The following VSTM2B variants were observed in gnomAD, a reference collection of about 807,000 sequenced individuals.
VSTM2B encodes the protein V-set and transmembrane domain-containing protein 2B.
In VSTM2B, 24 loss-of-function variants were observed where a neutral mutation model predicts 24.0. The observed-to-expected ratio is 1.00, with a 90% CI of 0.72 to 1.40. The LOEUF (loss-of-function observed/expected upper bound fraction) is 1.40. Among genes scored for constraint, VSTM2B ranks in the 40% most tolerant of loss-of-function variants. VSTM2B has a pLI of 0.00. For missense variants in VSTM2B, 399 were observed against 416.4 expected (o/e 0.96, Z 0.36); for synonymous variants, 226 against 194.4 (o/e 1.16, Z -1.35).
Position 29,529,855 on chromosome 19 carries a change from C to T in VSTM2B, c.334C>T (p.Leu112Phe), listed in dbSNP as rs771486149. 63 of 1,550,008 alleles carry T rather than the reference C, an allele frequency of 4.1e-5. No homozygotes were observed. The highest frequency in any genetic ancestry group is 5.4e-5 in the Non-Finnish European group (62 of 1,146,756). The change falls in exon 4 of 5, where the codon CTT becomes TTT. Residue 112 changes from leucine (L) to phenylalanine (F), a missense_variant. By Grantham distance (22) the Leu-to-Phe change is conservative. Coordinates refer to ENST00000335523, the MANE Select transcript of VSTM2B (RefSeq NM_001146339.2). Reference sequence around the variant, plus strand: ...CCAGGGCAATGACATCTCACACCGGCTTCGGCTGTCTGCCGTGCGGCTGCA... The same window carrying T: ...CCAGGGCAATGACATCTCACACCGGTTTCGGCTGTCTGCCGTGCGGCTGCA... ...RVQGNDISHR[L>F]RLSAVRLQDE...
chr19:29,554,869 C>T (rs530713659), intron 4 of VSTM2B, among the ~76,000 whole-genome samples: 7 of 152,226 alleles, frequency 4.6e-5, no homozygotes, highest in Non-Finnish European at 1.0e-4. Context: ...AGCTAACTAT[C>T]CTAAATATAC....
At chr19:29,534,250 C>T (rs1339858394) in intron 4 of VSTM2B, among the ~76,000 whole-genome samples, 1 of 152,208 alleles carries the variant, frequency 6.6e-6, no homozygotes, top group African/African-American at 2.4e-5. Context: ...CCCACAGTCA[C>T]CCAGCAAGGA....
chr19:29,528,830 G>A lies in VSTM2B; in HGVS notation c.297+368G>A, dbSNP rs570729423. On this transcript the variant is annotated intron_variant, in intron 3 of 4. Coordinates refer to ENST00000335523, the MANE Select transcript of VSTM2B (RefSeq NM_001146339.2). ...GCGGCTGCTCGCCCTCGCCGCGACC[G>A]TGGCGCCAGCTTCCCGCCCCCTCTG... 1.1e-4 allele frequency: 97 copies of A among 881,162 alleles called. No homozygotes were observed. In the South Asian group the frequency reaches 4.6e-3, roughly 42 times the overall value. The allele number at this position is 881,162 out of a possible 1,614,324, so 54.6% of individuals were successfully genotyped here.
At chr19:29,532,708 G>T (rs1969788031) in intron 4 of VSTM2B, among the ~76,000 whole-genome samples, 1 of 152,198 alleles carries the variant, frequency 6.6e-6, no homozygotes, top group Non-Finnish European at 1.5e-5. Flanking sequence ...TATGGAAATT[G>T]CTGCACATAT....
intron 4 of VSTM2B, among the ~76,000 whole-genome samples, chr19:29,560,723 A>G (rs1162152891): frequency 2.0e-5 from 3 of 152,220 alleles, no homozygotes. Flanking sequence ...AAATCTTGCA[A>G]TTTAAAACCT....
At position 29,527,400 on chromosome 19, in the gene VSTM2B, C is replaced by T; in HGVS notation, c.267+5C>T. The stretch of plus-strand genomic sequence containing the variant: ...GTGCCGGGCGCCCGGAGCAAGGTAA[C>T]CCGCCGCCCACGCGGTACCGGCGCG... On this transcript the variant is annotated splice_donor_5th_base_variant and intron_variant, in intron 2 of 4. Coordinates refer to ENST00000335523, the MANE Select transcript of VSTM2B (RefSeq NM_001146339.2). The T allele has an allele frequency of 2.0e-6, 3 of 1,518,974 alleles. No individual in the cohort carries two copies. Among genetic ancestry groups the T allele is most frequent in the Non-Finnish European group, 1.8e-6 (2 of 1,135,420 alleles). 94.1% of individuals were successfully genotyped at this position (1,518,974 alleles called of 1,614,324 possible).
chr19:29,562,860 T>C (rs1459864508), intron 4 of VSTM2B, among the ~76,000 whole-genome samples: 1 of 152,012 alleles, frequency 6.6e-6, no homozygotes, highest in African/African-American at 2.4e-5. Flanking sequence ...TGTTACAGCA[T>C]CCATGGCAGG....
intron 4 of VSTM2B, among the ~76,000 whole-genome samples, chr19:29,548,074 T>C (rs1045620514): frequency 6.6e-6 from 1 of 151,612 alleles, no homozygotes; most frequent in Non-Finnish European, 1.5e-5. Flanking sequence ...TTGGGCATAG[T>C]GGAGGCCTGA....
At position 29,528,463 on chromosome 19, in the gene VSTM2B, G is replaced by C. The variant is rs775172701; in HGVS notation, c.297+1G>C. 18 of 1,550,878 alleles carry C rather than the reference G, an allele frequency of 1.2e-5. No individual in the cohort carries two copies. The highest frequency in any genetic ancestry group is 2.4e-5 in the East Asian group (1 of 40,934). On this transcript the variant is annotated splice_donor_variant, in intron 3 of 4. Coordinates refer to ENST00000335523, the MANE Select transcript of VSTM2B (RefSeq NM_001146339.2). LOFTEE classifies it high-confidence loss of function. ...AAATAAGGATGCAACTAAAATCAGC[G>C]TAAGTGTGGAGCCCAGCGCGGGCCG...
At chr19:29,528,340 CGGA>C (rs1166342905) in intron 2 of VSTM2B, 90 bp from the exon 3 acceptor site, 16 of 1,515,436 alleles carry the variant, frequency 1.1e-5, no homozygotes, top group Non-Finnish European at 1.3e-5. Context: ...CCTAGCCTGC[CGGA>C]GGAGGGTGCC....
chr19:29,544,525 CAAAAAAAAAAAAAAAAAA>C (rs58540469), intron 4 of VSTM2B, among the ~76,000 whole-genome samples: 13 of 54,358 alleles, frequency 2.4e-4, no homozygotes, highest in African/African-American at 4.6e-4. Context: ...GACTCTGTCT[CAAAAAAAAAAAAAAAAAA>C]AAAAAAAAAA....
intron 4 of VSTM2B, among the ~76,000 whole-genome samples, chr19:29,545,992 C>T (rs1970146482): frequency 1.3e-5 from 2 of 151,996 alleles, no homozygotes; most frequent in Admixed American, 6.6e-5. Context: ...CTGCTGCCCC[C>T]GCCCAGGTGA....
At chr19:29,550,082 C>G (rs991624888) in intron 4 of VSTM2B, among the ~76,000 whole-genome samples, 1 of 152,220 alleles carries the variant, frequency 6.6e-6, no homozygotes, top group African/African-American at 2.4e-5. Context: ...GGCCCCTATC[C>G]AGGACCCTCA....
At chr19:29,560,081 G>A (rs1165059122) in intron 4 of VSTM2B, among the ~76,000 whole-genome samples, 1 of 152,164 alleles carries the variant, frequency 6.6e-6, no homozygotes, top group Non-Finnish European at 1.5e-5. Context: ...GCTTGTTCAT[G>A]TGACAGTGGG....
Position 29,564,169 on chromosome 19 carries a change from T to C in VSTM2B, c.*235T>C. ...CCCATGCAGTCTGCATGGGAATCAATGATTTCTCTACTTCAATGTAGTTTT... is the reference window on the plus strand; with the variant it reads ...CCCATGCAGTCTGCATGGGAATCAACGATTTCTCTACTTCAATGTAGTTTT... On this transcript the variant is annotated 3_prime_UTR_variant, in exon 5 of 5. Coordinates refer to ENST00000335523, the MANE Select transcript of VSTM2B (RefSeq NM_001146339.2). 1 of 454,088 alleles carries C rather than the reference T, an allele frequency of 2.2e-6. No individual in the cohort carries two copies. Among genetic ancestry groups the C allele is most frequent in the Non-Finnish European group, 4.0e-6 (1 of 251,020 alleles). The allele number at this position is 454,088 out of a possible 1,614,324, so 28.1% of individuals were successfully genotyped here. A position where few individuals can be genotyped will look rare whatever the true frequency, so the allele number is the denominator to read the frequency against.
chr19:29,530,930 G>A (rs1335847272), intron 4 of VSTM2B, among the ~76,000 whole-genome samples: 1 of 151,344 alleles, frequency 6.6e-6, no homozygotes, highest in African/African-American at 2.4e-5. Flanking sequence ...CTAAGCCACT[G>A]TTAGGAAGGC....
At chr19:29,550,266 A>G (rs554181424) in intron 4 of VSTM2B, among the ~76,000 whole-genome samples, 4 of 152,298 alleles carry the variant, frequency 2.6e-5, no homozygotes, top group Non-Finnish European at 2.9e-5. Context: ...AGATTCCATT[A>G]TTACCAAAAA....
intron 4 of VSTM2B, among the ~76,000 whole-genome samples, chr19:29,553,161 C>T (rs1285403016): frequency 6.7e-6 from 1 of 149,778 alleles, no homozygotes; most frequent in Non-Finnish European, 1.5e-5. Flanking sequence ...CCAAGACCCC[C>T]CACAACAGGG....
At chr19:29,548,080 C>G (rs1970191608) in intron 4 of VSTM2B, among the ~76,000 whole-genome samples, 2 of 151,980 alleles carry the variant, frequency 1.3e-5, no homozygotes, top group African/African-American at 4.8e-5. Flanking sequence ...ATAGTGGAGG[C>G]CTGAACTGGG....
Sources: gnomAD v4.1 joint callset for allele counts (sites outside exome capture counted in the v4.1 genomes callset) on GRCh38, gnomAD v4.1.1 for gene constraint, MANE v1.5 for transcripts, NCBI Gene and HGNC (gene_info 2026-07-23, HGNC 2026-07-21) for gene names.